The following PSMF1 variants were observed in gnomAD, a reference collection of about 807,000 sequenced individuals.
The protein encoded by PSMF1 is proteasome inhibitor subunit 1.
PSMF1 carries 30 observed loss-of-function variants against 29.3 expected under a neutral mutation model. The observed-to-expected ratio is 1.02, with a 90% confidence interval of 0.77 to 1.39. The LOEUF (loss-of-function observed/expected upper bound fraction) is 1.39, where lower values mean the gene tolerates loss of function less well. Ranked by LOEUF, PSMF1 falls within the 40% of genes most tolerant of loss-of-function variation. PSMF1 has a pLI of 0.00. For synonymous variants in PSMF1, 134 were observed against 139.7 expected, an observed-to-expected ratio of 0.96 and a Z score of 0.29; for missense variants, 344 against 357.5, an observed-to-expected ratio of 0.96 and a Z score of 0.31.
chr20:1,155,196 A>G (rs548916145), intron 4 of PSMF1, among the ~76,000 whole-genome samples: 2 of 152,210 alleles, frequency 1.3e-5, no homozygotes, highest in African/African-American at 4.8e-5. Context: ...GCGTGGACGG[A>G]GAGTGTTCCA....
At chr20:1,151,504 C>T (rs2086530286) in intron 4 of PSMF1, among the ~76,000 whole-genome samples, 1 of 152,234 alleles carries the variant, frequency 6.6e-6, no homozygotes, top group African/African-American at 2.4e-5. Flanking sequence ...GATTTTCTAA[C>T]TTGCCCTGGG....
At chr20:1,138,396 T>C (rs1425763137) in intron 4 of PSMF1, among the ~76,000 whole-genome samples, 1 of 151,956 alleles carries the variant, frequency 6.6e-6, no homozygotes. Context: ...CGGTGGCTCA[T>C]GCCTGTAATC....
At chr20:1,113,748 A>C (rs1384638759), upstream of PSMF1, among the ~76,000 whole-genome samples, 1 of 151,726 alleles carries the variant, frequency 6.6e-6, no homozygotes, top group Non-Finnish European at 1.5e-5. Flanking sequence ...GTTGGAGTGC[A>C]GTGGCGCGAT....
Position 1,135,233 on chromosome 20 carries a change from C to A in PSMF1, c.478C>A (p.Pro160Thr), listed in dbSNP as rs141024057. 2 of 1,614,126 alleles carry A rather than the reference C, an allele frequency of 1.2e-6. No homozygotes were observed. Among genetic ancestry groups the A allele is most frequent in the South Asian group, 1.1e-5 (1 of 91,074 alleles). ...NVSSPHREFP[P>T]ATAREVDPLR... ...AAGCAGTCCCCACCGGGAGTTCCCC[C>A]CTGCTACCGCCAGAGAGGTGGACCC... Residue 160 changes from proline to threonine, a missense_variant, in exon 4 of 7, where the codon CCT becomes ACT. Pro to Thr is a conservative substitution (Grantham distance 38). Coordinates refer to ENST00000335877, the MANE Select transcript of PSMF1 (RefSeq NM_006814.5).
chr20:1,158,514 G>A (rs1322472049), intron 4 of PSMF1, among the ~76,000 whole-genome samples: 2 of 152,158 alleles, frequency 1.3e-5, no homozygotes, highest in Non-Finnish European at 2.9e-5. Context: ...CAGTTCACCA[G>A]ACCACCTCAG....
At chr20:1,156,624 A>G (rs2086597823) in intron 4 of PSMF1, among the ~76,000 whole-genome samples, 2 of 152,226 alleles carry the variant, frequency 1.3e-5, no homozygotes, top group Admixed American at 1.3e-4. Context: ...ATGGAGAGAA[A>G]AAGAATTGTC....
At chr20:1,120,469 C>T (rs564866009) in intron 1 of PSMF1, among the ~76,000 whole-genome samples, 2 of 152,276 alleles carry the variant, frequency 1.3e-5, no homozygotes, top group African/African-American at 4.8e-5. Flanking sequence ...CATTTCAGAC[C>T]TTGGGACCAG....
chr20:1,136,058 A>G (rs2086301990), intron 4 of PSMF1, among the ~76,000 whole-genome samples: 1 of 152,188 alleles, frequency 6.6e-6, no homozygotes, highest in African/African-American at 2.4e-5. Context: ...TCTGGTTTGC[A>G]ATTATATGCC....
At chr20:1,143,223 G>A (rs1183015494) in intron 4 of PSMF1, among the ~76,000 whole-genome samples, 2 of 152,136 alleles carry the variant, frequency 1.3e-5, no homozygotes, top group African/African-American at 4.8e-5. Flanking sequence ...GAATAAAGTA[G>A]AAGAAATCAT....
Position 1,165,922 on chromosome 20 carries a change from C to T in PSMF1, c.*842C>T. 3 of 1,325,614 alleles carry T rather than the reference C, an allele frequency of 2.3e-6. No individual in the cohort carries two copies. Among genetic ancestry groups the T allele is most frequent in the Non-Finnish European group, 2.9e-6 (3 of 1,031,932 alleles). The allele number at this position is 1,325,614 out of a possible 1,614,324, so 82.1% of individuals were successfully genotyped here. On this transcript the variant is annotated 3_prime_UTR_variant, in exon 7 of 7. Transcript: ENST00000335877. ...AGCAAGTTCCTTCTCCTCTTAGGGC[C>T]TTGTGCCAAGCCTATGAAATTGGAG...
At position 1,147,183 on chromosome 20, in the gene PSMF1, C is replaced by T. The variant is rs569407406; in HGVS notation, c.551+11877C>T. Among the ~76,000 whole-genome samples, 342 of 151,374 alleles carry T rather than the reference C, an allele frequency of 2.3e-3. 1 individual carries two copies. Among genetic ancestry groups the T allele is most frequent in the Non-Finnish European group, 4.1e-3 (278 of 67,930 alleles). ...TCATCATCATCATCATCATCACCAC[C>T]CTGTGTTGAGGACAGAAGTAATTTC... is the stretch of plus-strand genomic sequence containing the variant. On this transcript the variant is annotated intron_variant, in intron 4 of 6. Coordinates refer to ENST00000335877, the MANE Select transcript of PSMF1 (RefSeq NM_006814.5).
rs1359780582 is a variant in PSMF1, at chr20:1,168,737, T to G, written c.*3657T>G. Among the ~76,000 whole-genome samples, 1 of 152,218 alleles carries G rather than the reference T, an allele frequency of 6.6e-6. No individual in the cohort carries two copies. ...TCCCTTTCTACTGTTGTTAATAACATTCTATTAATGATCCATGCCTCTCTT... is the reference window on the plus strand; with the variant it reads ...TCCCTTTCTACTGTTGTTAATAACAGTCTATTAATGATCCATGCCTCTCTT... On this transcript the variant is annotated 3_prime_UTR_variant, in exon 7 of 7. Transcript: ENST00000335877.
chr20:1,121,853 T>C (rs2086091714), intron 1 of PSMF1, among the ~76,000 whole-genome samples: 1 of 152,200 alleles, frequency 6.6e-6, no homozygotes, highest in Non-Finnish European at 1.5e-5. Context: ...TCAGAACCAC[T>C]CCTCACAAGA....
At chr20:1,150,537 A>C (rs78654849) in intron 4 of PSMF1, among the ~76,000 whole-genome samples, 2,472 of 152,122 alleles carry the variant, frequency 0.016, 72 homozygotes, top group African/African-American at 0.056. Context: ...TTTTTCTCGA[A>C]GTTTACTAGC....
At chr20:1,136,191 G>T (rs753070816) in intron 4 of PSMF1, among the ~76,000 whole-genome samples, 1 of 152,192 alleles carries the variant, frequency 6.6e-6, no homozygotes, top group Non-Finnish European at 1.5e-5. Context: ...AAGAAAAAGT[G>T]GTTGAAAAGG....
chr20:1,165,351 C>T lies in PSMF1; in HGVS notation c.*271C>T. The T allele has an allele frequency of 7.3e-7, 1 of 1,360,888 alleles. No individual in the cohort carries two copies. Among genetic ancestry groups the T allele is most frequent in the Non-Finnish European group, 9.4e-7 (1 of 1,058,446 alleles). The allele number at this position is 1,360,888 out of a possible 1,614,324, so 84.3% of individuals were successfully genotyped here. A position where few individuals can be genotyped will look rare whatever the true frequency, so the allele number is the denominator to read the frequency against. On this transcript the variant is annotated 3_prime_UTR_variant, in exon 7 of 7. Transcript: ENST00000335877. ...TCACCACCAGCTCCTCTCCACTTCC[C>T]AAGGGAGACTCCGGCAACCTTCAGC...
At chr20:1,123,215 C>T (rs915102100) in intron 1 of PSMF1, among the ~76,000 whole-genome samples, 1 of 152,132 alleles carries the variant, frequency 6.6e-6, no homozygotes, top group African/African-American at 2.4e-5. Flanking sequence ...GATCTCTTTC[C>T]CCAGAGGATT....
intron 1 of PSMF1, among the ~76,000 whole-genome samples, chr20:1,122,436 A>G (rs2086101402): frequency 6.6e-6 from 1 of 151,510 alleles, no homozygotes; most frequent in Non-Finnish European, 1.5e-5. Context: ...AGCTGGGATT[A>G]CAGGTCCCCG....
chr20:1,130,292 A>C (rs982992350), intron 3 of PSMF1, among the ~76,000 whole-genome samples: 1 of 152,240 alleles, frequency 6.6e-6, no homozygotes, highest in Non-Finnish European at 1.5e-5. Context: ...ACAGTACTGA[A>C]CACTTAAAAA....
Sources: gnomAD v4.1 joint callset for allele counts (sites outside exome capture counted in the v4.1 genomes callset) on GRCh38, gnomAD v4.1.1 for gene constraint, MANE v1.5 for transcripts, NCBI Gene and HGNC (gene_info 2026-07-23, HGNC 2026-07-21) for gene names.